Variants in TNFRSF18 observed in about 807,000 individuals in gnomAD.
TNFRSF18 encodes the protein TNF receptor superfamily member 18, also known as tumor necrosis factor receptor superfamily member 18.
A neutral mutation model predicts 30.2 loss-of-function variants in TNFRSF18; 36 were observed. That is an observed-to-expected ratio of 1.19 (90% CI 0.91 to 1.58). The LOEUF (loss-of-function observed/expected upper bound fraction) is 1.58. Ranked by LOEUF, TNFRSF18 falls within the 40% of genes most tolerant of loss-of-function variation. The pLI, the probability that TNFRSF18 is intolerant of heterozygous loss-of-function variation, is 0.00. For missense variants in TNFRSF18, 369 were observed against 345.4 expected (o/e 1.07, Z -0.54); for synonymous variants, 173 against 158.3 (o/e 1.09, Z -0.70).
Position 1,206,366 on chromosome 1 carries a change from G to A in TNFRSF18, c.187+19C>T. 1 of 1,545,258 alleles carries A rather than the reference G, an allele frequency of 6.5e-7. No individual in the cohort carries two copies. Among genetic ancestry groups the A allele is most frequent in the East Asian group, 2.5e-5 (1 of 40,714 alleles). ...GGACGCCTTGGCCGGTCCGCGTTAA[G>A]TAAACGCGGTTTACTTACCCGGGTA... On this transcript the variant is annotated intron_variant, in intron 1 of 4. Transcript: ENST00000379268.
Position 1,204,503 on chromosome 1 carries a change from GGGGAGGGAGGGA to G in TNFRSF18, c.311-29_311-18del. On this transcript the variant is annotated intron_variant, in intron 2 of 4. Transcript: ENST00000379268. ...TGAATTTCCCTGGTGTGGGGTGTGGGGGGAGGGAGGGAGGGAGGCTGGTGGAGTTGCTGGGAT... is the reference window on the plus strand; with the variant it reads ...TGAATTTCCCTGGTGTGGGGTGTGGGGGGAGGCTGGTGGAGTTGCTGGGAT... 3.3e-6 allele frequency: 5 copies of G among 1,528,056 alleles called. No individual in the cohort carries two copies. Among genetic ancestry groups the G allele is most frequent in the Non-Finnish European group, 3.6e-6 (4 of 1,104,606 alleles). The allele number at this position is 1,528,056 out of a possible 1,614,324, so 94.7% of individuals were successfully genotyped here.
Position 1,203,555 on chromosome 1 carries a change from C to T in TNFRSF18, c.*289G>A, listed in dbSNP as rs773752119. 4.1e-6 allele frequency: 6 copies of T among 1,474,272 alleles called. No homozygotes were observed. The highest frequency in any genetic ancestry group is 4.5e-6 in the Non-Finnish European group (5 of 1,120,472). The allele number at this position is 1,474,272 out of a possible 1,614,324, so 91.3% of individuals were successfully genotyped here. A position where few individuals can be genotyped will look rare whatever the true frequency, so the allele number is the denominator to read the frequency against. On this transcript the variant is annotated 3_prime_UTR_variant, in exon 5 of 5. Coordinates refer to ENST00000379268, the MANE Select transcript of TNFRSF18 (RefSeq NM_004195.3). ...AGGTCCCCTGCAGCCGGGTCCCGTG[C>T]TGGGCACTGCACACCCACGGACACA...
In TNFRSF18 at chr1:1,203,566, A is replaced by C; in HGVS notation, c.*278T>G. 1 of 1,487,548 alleles carries C rather than the reference A, an allele frequency of 6.7e-7. No homozygotes were observed. Among genetic ancestry groups the C allele is most frequent in the Non-Finnish European group, 8.9e-7 (1 of 1,127,206 alleles). 92.1% of individuals were successfully genotyped at this position (1,487,548 alleles called of 1,614,324 possible). A position where few individuals can be genotyped will look rare whatever the true frequency, so the allele number is the denominator to read the frequency against. ...AGCCGGGTCCCGTGCTGGGCACTGC[A>C]CACCCACGGACACAGCCTCCCGTCC... On this transcript the variant is annotated 3_prime_UTR_variant, in exon 5 of 5. Coordinates refer to ENST00000379268, the MANE Select transcript of TNFRSF18 (RefSeq NM_004195.3).
chr1:1,206,336 C>G (rs1570456909), intron 1 of TNFRSF18, 49 bp downstream of exon 1: 1 of 1,533,104 alleles, frequency 6.5e-7, no homozygotes, highest in East Asian at 2.5e-5. Context: ...ATCCCGGCTT[C>G]CGCGGGACGC....
At position 1,204,247 on chromosome 1, in the gene TNFRSF18, T is replaced by G; in HGVS notation, c.399-11A>C. ...CCGAACTGGGTGCAGCTGGAATACA[T>G]GGACGCGGCCTCCTATCAGCCCCCG... On this transcript the variant is annotated splice_polypyrimidine_tract_variant and intron_variant, in intron 3 of 4. Transcript: ENST00000379268. 6.2e-7 allele frequency: 1 copy of G among 1,607,484 alleles called. No individual in the cohort carries two copies. The highest frequency in any genetic ancestry group is 8.5e-7 in the Non-Finnish European group (1 of 1,177,010).
chr1:1,204,402 G>T lies in TNFRSF18; in HGVS notation c.395C>A (p.Thr132Lys), dbSNP rs1358133653. The change falls in exon 3 of 5, where the codon ACA becomes AAA. Residue 132 changes from threonine (T) to lysine (K), a missense_variant. Physicochemically the swap from Thr to Lys is moderately conservative, Grantham distance 78. Transcript: ENST00000379268. ...GGHEGHCKPW[T>K]DCTQFGFLTV... ...GCAGGGCCCACCCAGGACTCACTCT[G>T]TCCAAGGTTTGCAGTGGCCTTCGTG... is the stretch of plus-strand genomic sequence containing the variant. The T allele has an allele frequency of 2.5e-6, 4 of 1,612,492 alleles. No individual in the cohort carries two copies. The highest frequency in any genetic ancestry group is 3.4e-6 in the Non-Finnish European group (4 of 1,179,904).
chr1:1,206,339 C>A (rs750884308), intron 1 of TNFRSF18, 46 bp downstream of exon 1: 1 of 1,534,152 alleles, frequency 6.5e-7, no homozygotes, highest in South Asian at 1.2e-5. Context: ...CCGGCTTCCG[C>A]GGGACGCCTT....
At chr1:1,205,683 G>A (rs1445292420) in intron 1 of TNFRSF18, 191 bp from the exon 2 acceptor site, 4 of 633,942 alleles carry the variant, frequency 6.3e-6, no homozygotes, top group Non-Finnish European at 1.1e-5. Flanking sequence ...GGGGCCATGT[G>A]GCCTGGCTAC....
In TNFRSF18 at chr1:1,206,568, C is replaced by T. The variant is rs1259383021; in HGVS notation, c.4G>A (p.Ala2Thr). The T allele has an allele frequency of 6.7e-7, 1 of 1,496,950 alleles. No individual in the cohort carries two copies. The highest frequency in any genetic ancestry group is 2.4e-5 in the Admixed American group (1 of 41,736). 92.7% of individuals were successfully genotyped at this position (1,496,950 alleles called of 1,614,324 possible). ...AACGCGCCCATCGCCCCGTGCTGTGCCATGCTCGGGTTTCAAGAGCCCACA... is the reference window on the plus strand; with the variant it reads ...AACGCGCCCATCGCCCCGTGCTGTGTCATGCTCGGGTTTCAAGAGCCCACA... M[A>T]QHGAMGAFRA... Residue 2 changes from alanine to threonine, a missense_variant, in exon 1 of 5, where the codon GCA becomes ACA. By Grantham distance (58) the Ala-to-Thr change is moderately conservative. Coordinates refer to ENST00000379268, the MANE Select transcript of TNFRSF18 (RefSeq NM_004195.3).
chr1:1,204,501 G>C lies in TNFRSF18; in HGVS notation c.311-15C>G, dbSNP rs376685807. 2.3e-4 allele frequency: 360 copies of C among 1,570,360 alleles called. 1 individual carries two copies. The African/African-American group carries it at 3.8e-3, about 17-fold the overall frequency. On this transcript the variant is annotated splice_polypyrimidine_tract_variant and intron_variant, in intron 2 of 4. Transcript: ENST00000379268. ...ACTGAATTTCCCTGGTGTGGGGTGTGGGGGGAGGGAGGGAGGGAGGCTGGT... is the reference window on the plus strand; with the variant it reads ...ACTGAATTTCCCTGGTGTGGGGTGTCGGGGGAGGGAGGGAGGGAGGCTGGT...
In TNFRSF18 at chr1:1,204,081, A is replaced by G. The variant is rs1648679783; in HGVS notation, c.554T>C (p.Leu185Pro). 6.2e-7 allele frequency: 1 copy of G among 1,607,414 alleles called. No individual in the cohort carries two copies. Among genetic ancestry groups the G allele is most frequent in the Non-Finnish European group, 8.5e-7 (1 of 1,177,596 alleles). ...CCTCAGCTGCCAGATGTGCAGTCCA[A>G]GCTGGGCCGAGGTCAGGAGGAGGAC... ...ACVLLLTSAQ[L>P]GLHIWQLRSQ... Residue 185 changes from leucine (L) to proline (P), a missense_variant, in exon 4 of 5, where the codon CTT (leucine) becomes CCT (proline). Physicochemically the swap from Leu to Pro is moderately conservative, Grantham distance 98. Transcript: ENST00000379268.
At position 1,204,016 on chromosome 1, in the gene TNFRSF18, C is replaced by T. The variant is rs1008611497; in HGVS notation, c.601+18G>A. 5.0e-6 allele frequency: 8 copies of T among 1,608,144 alleles called. No homozygotes were observed. The Admixed American group carries it at 1.3e-4, about 27-fold the overall frequency. Reference sequence around the variant, plus strand: ...AGGCAGCCATGCTCCCACCTCCCCGCACCAGGCTGTGACAGACCTCGGGGC... The same window carrying T: ...AGGCAGCCATGCTCCCACCTCCCCGTACCAGGCTGTGACAGACCTCGGGGC... On this transcript the variant is annotated intron_variant, in intron 4 of 4. Coordinates refer to ENST00000379268, the MANE Select transcript of TNFRSF18 (RefSeq NM_004195.3).
chr1:1,204,352 G>T lies in TNFRSF18; in HGVS notation c.398+47C>A. The T allele has an allele frequency of 1.9e-6, 3 of 1,603,308 alleles. No homozygotes were observed. In the South Asian group the frequency reaches 3.3e-5, roughly 18 times the overall value. ...GGACAGGAGAGGACCCTTCCTCAGA[G>T]TGGGCCTGGACCACCCGGCCACCGG... On this transcript the variant is annotated intron_variant, in intron 3 of 4. Coordinates refer to ENST00000379268, the MANE Select transcript of TNFRSF18 (RefSeq NM_004195.3).
In TNFRSF18 at chr1:1,206,524, C is replaced by G; in HGVS notation, c.48G>C (p.Leu16=). ...AMGAFRALCG[L]ALLCALSLGQ... The stretch of plus-strand genomic sequence containing the variant: ...CCAGGCTGAGCGCGCACAGCAGCGC[C>G]AGGCCGCACAGGGCCCGAAACGCGC... The change falls in exon 1 of 5, where the codon CTG becomes CTC. Residue 16 remains leucine (L), a synonymous_variant. Coordinates refer to ENST00000379268, the MANE Select transcript of TNFRSF18 (RefSeq NM_004195.3). 6.5e-7 allele frequency: 1 copy of G among 1,534,292 alleles called. No homozygotes were observed. Among genetic ancestry groups the G allele is most frequent in the East Asian group, 2.5e-5 (1 of 40,278 alleles).
Position 1,204,168 on chromosome 1 carries a change from C to T in TNFRSF18, c.467G>A (p.Gly156Glu). 1 of 1,612,022 alleles carries T rather than the reference C, an allele frequency of 6.2e-7. No homozygotes were observed. The highest frequency in any genetic ancestry group is 8.5e-7 in the Non-Finnish European group (1 of 1,179,660). Residue 156 changes from glycine (G) to glutamate (E), a missense_variant, in exon 4 of 5, where the codon GGG becomes GAG. Physicochemically the swap from Gly to Glu is moderately conservative, Grantham distance 98 (BLOSUM62 -2). Transcript: ENST00000379268. ...CCCAAGCGGCTCTGCCGGCGGGGAC[C>T]CTGGGACGCACACAGCGTTGTGGGT... ...NKTHNAVCVPGSPPAEPLGWL... is the reference protein window; with the variant it reads ...NKTHNAVCVPESPPAEPLGWL...
intron 1 of TNFRSF18, 78 bp from the exon 2 acceptor site, chr1:1,205,570 G>A (rs1648783744): frequency 1.3e-6 from 2 of 1,509,686 alleles, no homozygotes; most frequent in East Asian, 4.6e-5. Flanking sequence ...GGCCCTCCAG[G>A]GGAGTGAGGT....
chr1:1,203,700 C>A lies in TNFRSF18; in HGVS notation c.*144G>T. 3 of 1,564,296 alleles carry A rather than the reference C, an allele frequency of 1.9e-6. No individual in the cohort carries two copies. Among genetic ancestry groups the A allele is most frequent in the African/African-American group, 1.3e-5 (1 of 74,260 alleles). On this transcript the variant is annotated 3_prime_UTR_variant, in exon 5 of 5. Transcript: ENST00000379268. ...GGCCGCCGAACTGCATGGTCCAGGG[C>A]GCTGGTCACTGCCACCTTCCTGCAC...
At position 1,203,616 on chromosome 1, in the gene TNFRSF18, G is replaced by A; in HGVS notation, c.*228C>T. 6.5e-7 allele frequency: 1 copy of A among 1,530,792 alleles called. No individual in the cohort carries two copies. The highest frequency in any genetic ancestry group is 8.7e-7 in the Non-Finnish European group (1 of 1,147,576). The allele number at this position is 1,530,792 out of a possible 1,614,324, so 94.8% of individuals were successfully genotyped here. A position where few individuals can be genotyped will look rare whatever the true frequency, so the allele number is the denominator to read the frequency against. On this transcript the variant is annotated 3_prime_UTR_variant, in exon 5 of 5. Transcript: ENST00000379268. ...CTAAGACCCCACCCCATCAGGGCCA[G>A]CAAGGGAGGAAGGGGGCCATGACTG...
intron 3 of TNFRSF18, 48 bp from the exon 4 acceptor site, chr1:1,204,284 C>T (rs537868238): frequency 6.9e-6 from 11 of 1,593,398 alleles, no homozygotes; most frequent in Admixed American, 3.5e-5. Flanking sequence ...ACACGGCCTC[C>T]GATCAGCCCC....
Sources: gnomAD v4.1 joint callset for allele counts on GRCh38, gnomAD v4.1.1 for gene constraint, MANE v1.5 for transcripts, NCBI Gene and HGNC (gene_info 2026-07-23, HGNC 2026-07-21) for gene names.